VPS13A: variants seen among roughly 807,000 people sequenced by gnomAD.
VPS13A encodes vacuolar protein sorting 13 homolog A, also known as intermembrane lipid transfer protein VPS13A.
VPS13A carries 264 observed loss-of-function variants against 390.9 expected under a neutral mutation model. The observed-to-expected ratio is 0.68, with a 90% confidence interval of 0.61 to 0.75. The LOEUF (loss-of-function observed/expected upper bound fraction) is 0.75, where lower values mean the gene tolerates loss of function less well. Among genes scored for constraint, VPS13A ranks in the 30% least tolerant of loss-of-function variants. The pLI is 0.00. For synonymous variants in VPS13A, 1,231 were observed against 1,227.1 expected, an observed-to-expected ratio of 1.00 and a Z score of -0.07; for missense variants, 3,409 against 3,733.9, an observed-to-expected ratio of 0.91 and a Z score of 2.27.
At position 77,283,342 on chromosome 9, in the gene VPS13A, T is replaced by A. The variant is rs1489578521; in HGVS notation, c.3119-13T>A. On this transcript the variant is annotated splice_polypyrimidine_tract_variant and intron_variant, in intron 29 of 71. Transcript: ENST00000360280. ...TTTTCCTCATGTTTTATAATATGAATTTTTTTTTGCAGCTTTAAAACTATC... is the reference window on the plus strand; with the variant it reads ...TTTTCCTCATGTTTTATAATATGAAATTTTTTTTGCAGCTTTAAAACTATC... 7.3e-7 allele frequency: 1 copy of A among 1,362,926 alleles called. No individual in the cohort carries two copies. Among genetic ancestry groups the A allele is most frequent in the Non-Finnish European group, 1.0e-6 (1 of 964,594 alleles). 84.4% of individuals were successfully genotyped at this position (1,362,926 alleles called of 1,614,324 possible). A position where few individuals can be genotyped will look rare whatever the true frequency, so the allele number is the denominator to read the frequency against.
chr9:77,334,450 T>C (rs546138013), intron 46 of VPS13A, among the ~76,000 whole-genome samples: 1 of 152,300 alleles, frequency 6.6e-6, no homozygotes, highest in African/African-American at 2.4e-5. Flanking sequence ...CCTTGAACTT[T>C]CCTTTGACGT....
At chr9:77,221,474 A>T in intron 13 of VPS13A, 118 bp downstream of exon 13, 1 of 1,152,432 alleles carries the variant, frequency 8.7e-7, no homozygotes, top group Admixed American at 2.3e-5. Context: ...CATCTCTTTT[A>T]CTTAGACTTT....
At chr9:77,399,181 TAAAAA>T (rs1223344360) in intron 68 of VPS13A, among the ~76,000 whole-genome samples, 5 of 34,966 alleles carry the variant, frequency 1.4e-4, no homozygotes, top group Non-Finnish European at 3.1e-4. Flanking sequence ...AAAAAAAAAA[TAAAAA>T]AAAAAAAAAA....
At chr9:77,312,870 G>A (rs1296599576) in intron 35 of VPS13A, among the ~76,000 whole-genome samples, 1 of 152,160 alleles carries the variant, frequency 6.6e-6, no homozygotes, top group Non-Finnish European at 1.5e-5. Flanking sequence ...CTTTGGCAAA[G>A]AATTTGAAAG....
rs1195456011 is a variant in VPS13A at position 77,405,918 on chromosome 9, G to A, written c.9330G>A (p.Gln3110=). The A allele has an allele frequency of 1.7e-5, 28 of 1,613,916 alleles. No individual in the cohort carries two copies. Among genetic ancestry groups the A allele is most frequent in the Non-Finnish European group, 2.4e-5 (28 of 1,179,998 alleles). ...TTGGACAACTCACGTGTGAGTGGCA[G>A]TATAGTTTTGATGAATTTACCAAAG... ...GTFGQLTCEW[Q]YSFDEFTKEP... is the part of the protein sequence containing the mutation. Residue 3110 remains glutamine (Q), a synonymous_variant, in exon 70 of 72, where the codon CAG becomes CAA. Coordinates refer to ENST00000360280, the MANE Select transcript of VPS13A (RefSeq NM_033305.3).
Position 77,213,308 on chromosome 9 carries a change from C to G in VPS13A, c.690C>G (p.Asn230Lys). 6.2e-7 allele frequency: 1 copy of G among 1,612,248 alleles called. No homozygotes were observed. The highest frequency in any genetic ancestry group is 1.1e-5 in the South Asian group (1 of 91,012). ...SQMFYLSDYD[N>K]SLDDLKNGIV... ...TGTTTTATCTTAGTGATTATGATAA[C>G]TCCTTGGTAAGTAAATTTTTTCTGT... The change falls in exon 9 of 72, where the codon AAC becomes AAG. Residue 230 changes from asparagine (N) to lysine (K), a missense_variant. Physicochemically the swap from Asn to Lys is moderately conservative, Grantham distance 94 (BLOSUM62 0). Transcript: ENST00000360280.
intron 62 of VPS13A, 73 bp from the exon 63 acceptor site, chr9:77,369,226 G>A: frequency 8.6e-7 from 1 of 1,169,238 alleles, no homozygotes; most frequent in Admixed American, 1.7e-5. Context: ...AACTGGGCGT[G>A]TGTTTTAAAT....
intron 67 of VPS13A, among the ~76,000 whole-genome samples, chr9:77,373,796 AAC>A (rs1444702837): frequency 6.6e-6 from 1 of 151,776 alleles, no homozygotes; most frequent in Non-Finnish European, 1.5e-5. Flanking sequence ...ACAAGAAAAA[AAC>A]AAACAACCCC....
intron 23 of VPS13A, among the ~76,000 whole-genome samples, chr9:77,266,919 A>G (rs1022036598): frequency 1.3e-4 from 19 of 151,894 alleles, no homozygotes; most frequent in Non-Finnish European, 2.1e-4. Context: ...GTTGATCTTC[A>G]ATCTCTGATA....
chr9:77,342,758 T>C (rs1398198178), intron 50 of VPS13A, among the ~76,000 whole-genome samples: 2 of 152,164 alleles, frequency 1.3e-5, no homozygotes, highest in Non-Finnish European at 2.9e-5. Context: ...GAAACACTTC[T>C]GGTACCAAGC....
intron 55 of VPS13A, 133 bp from the exon 56 acceptor site, chr9:77,357,559 G>A (rs1831882287): frequency 1.2e-6 from 1 of 852,282 alleles, no homozygotes; most frequent in Non-Finnish European, 1.8e-6. Context: ...TTATGGACAT[G>A]GGATATTAAG....
chr9:77,314,453 T>G, intron 36 of VPS13A, 42 bp from the exon 37 acceptor site: 1 of 1,572,238 alleles, frequency 6.4e-7, no homozygotes, highest in Non-Finnish European at 8.7e-7. Context: ...CACTTTAGAC[T>G]TGTGTTTCTT....
chr9:77,360,815 T>C (rs1430101186), intron 59 of VPS13A, among the ~76,000 whole-genome samples, 174 bp downstream of exon 59: 1 of 152,086 alleles, frequency 6.6e-6, no homozygotes, highest in African/African-American at 2.4e-5. Context: ...TGATAGAAAA[T>C]TAGCAAACAG....
intron 22 of VPS13A, 133 bp from the exon 23 acceptor site, chr9:77,259,953 G>A (rs1018128627): frequency 7.4e-6 from 5 of 678,018 alleles, no homozygotes; most frequent in South Asian, 2.1e-5. Flanking sequence ...ACGGTAAGAC[G>A]GAAATTGGAA....
intron 47 of VPS13A, chr9:77,339,039 C>T (rs7860875): frequency 1.2e-3 from 212 of 180,806 alleles, no homozygotes; most frequent in African/African-American, 4.7e-3. Context: ...ATACATATGA[C>T]GTAATAATAT....
chr9:77,281,336 T>TA (rs1827013741), intron 27 of VPS13A, among the ~76,000 whole-genome samples: 1 of 152,208 alleles, frequency 6.6e-6, no homozygotes, highest in Non-Finnish European at 1.5e-5. Context: ...AGGTGACAGA[T>TA]ATGTTAGTTA....
intron 71 of VPS13A, among the ~76,000 whole-genome samples, chr9:77,408,049 C>A (rs1834711544): frequency 6.6e-6 from 1 of 152,128 alleles, no homozygotes; most frequent in Admixed American, 6.5e-5. Context: ...AACAGAAAAT[C>A]CAAGTTTGAA....
intron 47 of VPS13A, among the ~76,000 whole-genome samples, 159 bp from the exon 48 acceptor site, chr9:77,339,357 A>C (rs1387774102): frequency 6.6e-6 from 1 of 152,186 alleles, no homozygotes; most frequent in Non-Finnish European, 1.5e-5. Flanking sequence ...AGGTTTACAC[A>C]GTTGACAAAG....
intron 31 of VPS13A, among the ~76,000 whole-genome samples, chr9:77,288,970 C>T (rs571775140): frequency 6.6e-6 from 1 of 152,160 alleles, no homozygotes; most frequent in Non-Finnish European, 1.5e-5. Context: ...GTCTTTTTAT[C>T]TGTGGTAACT....
Sources: gnomAD v4.1 joint callset for allele counts (sites outside exome capture counted in the v4.1 genomes callset) on GRCh38, gnomAD v4.1.1 for gene constraint, MANE v1.5 for transcripts, NCBI Gene and HGNC (gene_info 2026-07-23, HGNC 2026-07-21) for gene names.